PTPRD: variants seen among roughly 807,000 people sequenced by gnomAD.
The protein encoded by PTPRD is protein tyrosine phosphatase receptor type D, also known as receptor-type tyrosine-protein phosphatase delta.
A neutral mutation model predicts 214.5 loss-of-function variants in PTPRD; 34 were observed. The observed-to-expected ratio is 0.16, with a 90% CI of 0.12 to 0.21. PTPRD has a LOEUF of 0.21. Ranked by LOEUF, PTPRD falls within the 10% of genes least tolerant of loss-of-function variation. The pLI, the probability that PTPRD is intolerant of heterozygous loss-of-function variation, is 1.00. For missense variants in PTPRD, 2,545 were observed against 2,398.7 expected (o/e 1.06, Z -1.27); for synonymous variants, 1,128 against 845.7 (o/e 1.33, Z -5.79).
At chr9:9,983,209 A>G (rs2095603711) in intron 4 of PTPRD, among the ~76,000 whole-genome samples, 1 of 152,190 alleles carries the variant, frequency 6.6e-6, no homozygotes, top group Non-Finnish European at 1.5e-5. Flanking sequence ...TAGTGCTGGT[A>G]GCAGCAGAGG....
intron 14 of PTPRD, among the ~76,000 whole-genome samples, chr9:8,625,248 T>C (rs1288382367): frequency 4.6e-5 from 7 of 151,956 alleles, no homozygotes. Flanking sequence ...CAAATATACC[T>C]TCTCAAGTTT....
In PTPRD at chr9:8,341,215, T is replaced by G; in HGVS notation, c.5001A>C (p.Pro1667=). Residue 1667 remains proline, a synonymous_variant, in exon 41 of 46, where the codon CCA becomes CCC. Coordinates refer to ENST00000381196, the MANE Select transcript of PTPRD (RefSeq NM_002839.4). ...CAAGGCGATTTTTGAATTTATTACA[T>G]GGAAGATTGGCACTGATAAACCTTG... ...HTSRFISANL[P]CNKFKNRLVN... The G allele has an allele frequency of 6.2e-7, 1 of 1,612,820 alleles. No individual in the cohort carries two copies. Among genetic ancestry groups the G allele is most frequent in the Non-Finnish European group, 8.5e-7 (1 of 1,179,402 alleles).
intron 12 of PTPRD, among the ~76,000 whole-genome samples, chr9:8,638,097 T>C (rs1051262731): frequency 1.4e-5 from 2 of 146,616 alleles, no homozygotes; most frequent in East Asian, 4.0e-4. Flanking sequence ...CATTTTGCTG[T>C]TCCTTCTTTT....
chr9:9,786,298 A>T (rs1209321220), intron 5 of PTPRD, among the ~76,000 whole-genome samples: 1 of 152,198 alleles, frequency 6.6e-6, no homozygotes, highest in African/African-American at 2.4e-5. Flanking sequence ...TATAAGTTAA[A>T]ACTATTTTGA....
At chr9:8,432,565 A>T (rs780339900) in intron 35 of PTPRD, among the ~76,000 whole-genome samples, 34 of 152,244 alleles carry the variant, frequency 2.2e-4, no homozygotes, top group Non-Finnish European at 3.7e-4. Context: ...ACATTTACTC[A>T]CAGTGATTAT....
intron 5 of PTPRD, among the ~76,000 whole-genome samples, chr9:9,810,259 T>A (rs1350335512): frequency 6.6e-6 from 1 of 152,094 alleles, no homozygotes; most frequent in East Asian, 1.9e-4. Flanking sequence ...TATGTGTTAA[T>A]CAACTGCTTG....
chr9:8,493,995 CACAGACACACAG>C (rs1421223573), intron 26 of PTPRD, among the ~76,000 whole-genome samples: 5 of 145,274 alleles, frequency 3.4e-5, no homozygotes, highest in Admixed American at 7.0e-5. Flanking sequence ...CACAGACACA[CACAGACACACAG>C]ACACACACAC....
At chr9:8,526,319 AAG>A (rs2074129574) in intron 17 of PTPRD, among the ~76,000 whole-genome samples, 1 of 151,924 alleles carries the variant, frequency 6.6e-6, no homozygotes, top group Non-Finnish European at 1.5e-5. Flanking sequence ...AGGAAAAAAA[AAG>A]AGGGACAGAT....
chr9:9,302,869 T>C (rs571271201), intron 9 of PTPRD, among the ~76,000 whole-genome samples: 24 of 152,010 alleles, frequency 1.6e-4, no homozygotes, highest in African/African-American at 5.3e-4. Flanking sequence ...CATAGCAGTG[T>C]GATGTAACTC....
intron 10 of PTPRD, among the ~76,000 whole-genome samples, chr9:9,126,936 C>G (rs2099834777): frequency 6.6e-6 from 1 of 151,922 alleles, no homozygotes; most frequent in South Asian, 2.1e-4. Context: ...TCTAAGAGCA[C>G]AAGGAACAAA....
chr9:8,358,350 T>C (rs1357373244), intron 39 of PTPRD, among the ~76,000 whole-genome samples: 1 of 152,120 alleles, frequency 6.6e-6, no homozygotes, highest in African/African-American at 2.4e-5. Flanking sequence ...CCTGACTGAG[T>C]TGATGATACT....
intron 10 of PTPRD, among the ~76,000 whole-genome samples, chr9:9,144,105 AG>A (rs753942614): frequency 2.0e-5 from 3 of 152,246 alleles, no homozygotes; most frequent in Non-Finnish European, 4.4e-5. Context: ...CTTTCATTAC[AG>A]ATCCATATAA....
intron 7 of PTPRD, among the ~76,000 whole-genome samples, chr9:9,640,171 G>T (rs1402454601): frequency 6.6e-6 from 1 of 152,146 alleles, no homozygotes. Context: ...AAATAAATCA[G>T]AGTACCCCAT....
intron 4 of PTPRD, among the ~76,000 whole-genome samples, chr9:9,989,016 CAAA>C (rs397836899): frequency 1.1e-4 from 4 of 36,286 alleles, no homozygotes; most frequent in African/African-American, 3.1e-4. Flanking sequence ...TTTCACTGAC[CAAA>C]AAAAAAAAAA....
intron 11 of PTPRD, among the ~76,000 whole-genome samples, chr9:8,981,181 A>G (rs533535916): frequency 5.3e-5 from 8 of 152,184 alleles, no homozygotes; most frequent in South Asian, 4.1e-4. Context: ...TTGTTCTTCA[A>G]TGAAAACACA....
intron 7 of PTPRD, among the ~76,000 whole-genome samples, chr9:9,656,332 T>G (rs1047478635): frequency 6.6e-6 from 1 of 152,196 alleles, no homozygotes; most frequent in Admixed American, 6.5e-5. Context: ...GGAGCTTTAT[T>G]GACAATTGTC....
intron 3 of PTPRD, among the ~76,000 whole-genome samples, chr9:10,094,094 G>A (rs1031273905): frequency 6.6e-6 from 1 of 151,080 alleles, no homozygotes; most frequent in East Asian, 1.9e-4. Flanking sequence ...CAAAATCAAC[G>A]TTAAAAATAA....
intron 2 of PTPRD, among the ~76,000 whole-genome samples, chr9:10,364,910 G>T (rs1380200504): frequency 2.0e-5 from 3 of 152,182 alleles, no homozygotes; most frequent in African/African-American, 7.2e-5. Flanking sequence ...AATGGTAAGA[G>T]AAAGTAAACA....
chr9:8,545,571 G>A (rs923018380), intron 14 of PTPRD, among the ~76,000 whole-genome samples: 1 of 152,242 alleles, frequency 6.6e-6, no homozygotes, highest in Admixed American at 6.5e-5. Flanking sequence ...TTTTCAGAAG[G>A]CAAGGACTAT....
Sources: allele counts gnomAD v4.1 joint callset (sites outside exome capture counted in the v4.1 genomes callset), GRCh38; gene constraint gnomAD v4.1.1; transcripts MANE v1.5; gene names NCBI Gene and HGNC (gene_info 2026-07-23, HGNC 2026-07-21).